NAV2: variants seen among roughly 807,000 people sequenced by gnomAD.
The protein encoded by NAV2 is helicase, APC down-regulated 1.
Under a neutral mutation model 223.2 loss-of-function variants are expected in NAV2, and 54 were observed. That is an observed-to-expected ratio of 0.24 (90% CI 0.19 to 0.30). NAV2 has a LOEUF of 0.30. NAV2 is among the 10% of genes least tolerant of loss of function. NAV2 has a pLI of 1.00. For missense variants in NAV2, 2,806 were observed against 3,147.5 expected (o/e 0.89, Z 2.60); for synonymous variants, 1,279 against 1,239.3 (o/e 1.03, Z -0.67).
At chr11:19,859,860 G>A (rs1478987002) in intron 3 of NAV2, among the ~76,000 whole-genome samples, 2 of 143,938 alleles carry the variant, frequency 1.4e-5, no homozygotes, top group Non-Finnish European at 3.1e-5. Context: ...CGGCTGGCCG[G>A]GCGGGGGGCT....
chr11:19,665,376 A>G (rs1324262108), intron 1 of NAV2, among the ~76,000 whole-genome samples: 2 of 152,136 alleles, frequency 1.3e-5, no homozygotes, highest in African/African-American at 4.8e-5. Flanking sequence ...TGAGAAGCAG[A>G]TGGTGCATGG....
At chr11:19,398,043 CG>C (rs1564905381) in intron 1 of NAV2, among the ~76,000 whole-genome samples, 2 of 152,096 alleles carry the variant, frequency 1.3e-5, no homozygotes, top group African/African-American at 4.8e-5. Flanking sequence ...GCTTCCCCCG[CG>C]TATTAGATCA....
chr11:20,046,934 A>G (rs2057499173), intron 14 of NAV2, among the ~76,000 whole-genome samples: 1 of 152,250 alleles, frequency 6.6e-6, no homozygotes, highest in Non-Finnish European at 1.5e-5. Flanking sequence ...AATAAAAATT[A>G]TATGCACATG....
At chr11:20,035,603 C>G (rs1257969805) in intron 11 of NAV2, among the ~76,000 whole-genome samples, 4 of 152,150 alleles carry the variant, frequency 2.6e-5, no homozygotes, top group African/African-American at 9.7e-5. Context: ...TAGCTCTAGT[C>G]CCCAGACTCA....
intron 1 of NAV2, among the ~76,000 whole-genome samples, chr11:19,416,237 T>G (rs1850364090): frequency 6.6e-6 from 1 of 152,204 alleles, no homozygotes; most frequent in Non-Finnish European, 1.5e-5. Flanking sequence ...GATAAGCAAC[T>G]TCAGCAAAGT....
chr11:19,947,002 A>G (rs2153361369), intron 9 of NAV2, among the ~76,000 whole-genome samples: 1 of 152,356 alleles, frequency 6.6e-6, no homozygotes, highest in South Asian at 2.1e-4. Flanking sequence ...CTAGTATTAC[A>G]TTGGAAACAT....
chr11:19,384,928 T>C (rs1848978454), intron 1 of NAV2: 2 of 152,174 alleles, frequency 1.3e-5, no homozygotes, highest in South Asian at 4.1e-4. Context: ...AGAATATATT[T>C]ACAATGCATA....
At position 20,008,927 on chromosome 11, in the gene NAV2, T is replaced by C. The variant is rs1164569203; in HGVS notation, c.2768+24680T>C. ...ATTCTTTTCCTCGACTGCTGTATTG[T>C]TGCTGCTTTTGTTTTTAAATGAATA... is the stretch of plus-strand genomic sequence containing the variant. On this transcript the variant is annotated intron_variant, in intron 11 of 37. Coordinates refer to ENST00000349880, the MANE Select transcript of NAV2 (RefSeq NM_145117.5). 2.0e-5 allele frequency among the ~76,000 whole-genome samples: 3 copies of C among 152,224 alleles called. No homozygotes were observed. In the East Asian group the frequency reaches 5.8e-4, roughly 29 times the overall value.
intron 6 of NAV2, among the ~76,000 whole-genome samples, chr11:19,912,732 GCTAACCC>G (rs2043420752): frequency 6.6e-6 from 1 of 152,100 alleles, no homozygotes; most frequent in South Asian, 2.1e-4. Flanking sequence ...TTTACACCCA[GCTAACCC>G]CTCTGAGGAA....
chr11:20,033,731 A>C (rs1418825981), intron 11 of NAV2, among the ~76,000 whole-genome samples: 4 of 152,176 alleles, frequency 2.6e-5, no homozygotes, highest in Non-Finnish European at 5.9e-5. Context: ...GTTTTTAGTA[A>C]GCCTTTGTCT....
At chr11:19,932,842 A>C (rs1002805229) in intron 6 of NAV2, among the ~76,000 whole-genome samples, 1 of 152,232 alleles carries the variant, frequency 6.6e-6, no homozygotes, top group African/African-American at 2.4e-5. Flanking sequence ...TGGGATGAAT[A>C]ATTGAAAACG....
chr11:20,029,196 AC>A (rs2055434868), intron 11 of NAV2, among the ~76,000 whole-genome samples: 5 of 152,196 alleles, frequency 3.3e-5, no homozygotes, highest in Admixed American at 2.6e-4. Flanking sequence ...TTGGAAAGGA[AC>A]CTTTGGGATG....
Position 20,092,198 on chromosome 11 carries a change from C to T in NAV2, c.5653-8C>T, listed in dbSNP as rs2060902154. ...CTACTAAGGGAGCTTCTCCATTACT[C>T]TTTGCAGAGTGAAATAGAGAAGCTG... On this transcript the variant is annotated splice_region_variant and splice_polypyrimidine_tract_variant and intron_variant, in intron 27 of 37. Coordinates refer to ENST00000349880, the MANE Select transcript of NAV2 (RefSeq NM_145117.5). The T allele has an allele frequency of 6.2e-7, 1 of 1,613,614 alleles. No homozygotes were observed. The highest frequency in any genetic ancestry group is 1.3e-5 in the African/African-American group (1 of 74,922).
chr11:19,824,626 G>T (rs1465574888), intron 1 of NAV2, among the ~76,000 whole-genome samples: 2 of 152,150 alleles, frequency 1.3e-5, no homozygotes, highest in Non-Finnish European at 2.9e-5. Context: ...CAAGGTGGGG[G>T]CTACATTAAA....
intron 1 of NAV2, among the ~76,000 whole-genome samples, chr11:19,559,486 A>G (rs1380576666): frequency 6.6e-6 from 1 of 152,186 alleles, no homozygotes; most frequent in Non-Finnish European, 1.5e-5. Context: ...GCATCTTATC[A>G]CCTATAAAGC....
intron 1 of NAV2, among the ~76,000 whole-genome samples, chr11:19,352,977 A>G (rs1853410021): frequency 6.6e-6 from 1 of 152,144 alleles, no homozygotes; most frequent in African/African-American, 2.4e-5. Flanking sequence ...CAAGCCTCTC[A>G]GCGTGCAGCC....
chr11:19,520,961 CA>C (rs1307988420), intron 1 of NAV2, among the ~76,000 whole-genome samples: 1 of 152,186 alleles, frequency 6.6e-6, no homozygotes, highest in African/African-American at 2.4e-5. Context: ...TGGGCTGAGG[CA>C]GCGGTTTGAT....
intron 1 of NAV2, among the ~76,000 whole-genome samples, chr11:19,457,847 T>C (rs1184831948): frequency 2.6e-5 from 4 of 151,972 alleles, no homozygotes; most frequent in African/African-American, 9.7e-5. Flanking sequence ...TGCAGATGAG[T>C]TGCAAACTCA....
chr11:19,557,762 G>T (rs1263221126), intron 1 of NAV2, among the ~76,000 whole-genome samples: 1 of 152,208 alleles, frequency 6.6e-6, no homozygotes, highest in Admixed American at 6.5e-5. Flanking sequence ...AGAAGCATAG[G>T]GTGGGATCAA....
Sources: allele counts gnomAD v4.1 joint callset (sites outside exome capture counted in the v4.1 genomes callset), GRCh38; gene constraint gnomAD v4.1.1; transcripts MANE v1.5; gene names NCBI Gene and HGNC (gene_info 2026-07-23, HGNC 2026-07-21).